The following TMEM164 variants were observed in gnomAD, a reference collection of about 807,000 sequenced individuals.
TMEM164 encodes RP13-360B22.2.
A neutral mutation model predicts 18.8 loss-of-function variants in TMEM164; 4 were observed. The ratio of observed to expected loss-of-function variants is 0.21; its 90% confidence interval spans 0.10 to 0.49. TMEM164 has a LOEUF of 0.49. Among genes scored for constraint, TMEM164 ranks in the 20% least tolerant of loss-of-function variants. The pLI is 0.98. For missense variants in TMEM164, 108 were observed against 239.9 expected (o/e 0.45, Z 3.63); for synonymous variants, 86 against 101.7 (o/e 0.85, Z 0.93).
At chrX:110,154,729 G>GT (rs1310411833) in intron 5 of TMEM164, among the ~76,000 whole-genome samples, 1 of 112,161 alleles carries the variant, frequency 8.9e-6, no homozygotes, top group Non-Finnish European at 1.9e-5. Context: ...CTGCACTAGA[G>GT]TTTAAACTGG....
At chrX:110,074,226 C>A (rs763154819) in intron 3 of TMEM164, among the ~76,000 whole-genome samples, 1 of 111,716 alleles carries the variant, frequency 9.0e-6, no homozygotes, top group African/African-American at 3.2e-5. Flanking sequence ...GAGATTTTTT[C>A]ATGTGCTTGT....
chrX:110,061,663 T>G (rs1936128167), intron 2 of TMEM164, among the ~76,000 whole-genome samples: 1 of 112,144 alleles, frequency 8.9e-6, no homozygotes, highest in South Asian at 3.7e-4. Context: ...AACGCTTAAC[T>G]CTTAGTAGGC....
At chrX:110,055,194 A>T in intron 2 of TMEM164, 1 of 316,994 alleles carries the variant, frequency 3.2e-6, no homozygotes, top group Non-Finnish European at 6.3e-6. Context: ...TGGCCATGCT[A>T]TTCTCTTGAA....
intron 6 of TMEM164, among the ~76,000 whole-genome samples, chrX:110,172,770 C>T (rs1309046546): frequency 1.8e-5 from 2 of 112,052 alleles, no homozygotes; most frequent in Non-Finnish European, 3.8e-5. Context: ...GAGGACTCAG[C>T]CCCCATATTG....
intron 2 of TMEM164, 29 bp downstream of exon 2, chrX:110,004,193 C>T: frequency 8.5e-7 from 1 of 1,172,952 alleles, no homozygotes; most frequent in African/African-American, 1.8e-5. Flanking sequence ...TCCTGGGCAT[C>T]CTAAGTGATA....
At chrX:110,064,054 A>G (rs1266213233) in intron 2 of TMEM164, among the ~76,000 whole-genome samples, 2 of 111,199 alleles carry the variant, frequency 1.8e-5, no homozygotes. Context: ...CAGTTTCCTC[A>G]TCTCTGAAAT....
chrX:110,100,140 A>G (rs969407846), intron 3 of TMEM164, among the ~76,000 whole-genome samples: 1 of 111,374 alleles, frequency 9.0e-6, no homozygotes, highest in African/African-American at 3.3e-5. Context: ...GCAAATAAGG[A>G]CAGTTTTACT....
intron 2 of TMEM164, among the ~76,000 whole-genome samples, chrX:110,005,623 G>T (rs899759232): frequency 6.2e-5 from 7 of 112,551 alleles, no homozygotes; most frequent in African/African-American, 2.3e-4. Context: ...CGGGGCTGGA[G>T]TGGGCAGCAT....
At chrX:110,141,520 G>C (rs891025010) in intron 4 of TMEM164, among the ~76,000 whole-genome samples, 1 of 111,658 alleles carries the variant, frequency 9.0e-6, no homozygotes, top group Non-Finnish European at 1.9e-5. Context: ...CCAAGTGAAA[G>C]GGGAAACCCC....
intron 2 of TMEM164, among the ~76,000 whole-genome samples, chrX:110,035,329 A>G (rs1934741288): frequency 9.0e-6 from 1 of 110,694 alleles, no homozygotes; most frequent in East Asian, 2.8e-4. Flanking sequence ...TTCTCTTCAC[A>G]TTATTTTACA....
At chrX:110,151,765 AGAGT>A (rs1403931918) in intron 5 of TMEM164, among the ~76,000 whole-genome samples, 1 of 111,664 alleles carries the variant, frequency 9.0e-6, no homozygotes, top group African/African-American at 3.3e-5. Flanking sequence ...CCTGTGCAAC[AGAGT>A]GAGACTCAGT....
rs188258317 is a variant in TMEM164, at chrX:110,072,593, T to C, written c.440+5197T>C. Among the ~76,000 whole-genome samples, 1,104 of 111,604 alleles carry C rather than the reference T, an allele frequency of 9.9e-3. 9 individuals carry two copies. Among genetic ancestry groups the C allele is most frequent in the African/African-American group, 0.032 (992 of 30,804 alleles). ...TTATCTGTAGTCATGTATTTTTTCT[T>C]GGACTTGATCTTGTCTGTTTTTGTG... On this transcript the variant is annotated intron_variant, in intron 3 of 6. Coordinates refer to ENST00000372068, the MANE Select transcript of TMEM164 (RefSeq NM_032227.4).
intron 2 of TMEM164, among the ~76,000 whole-genome samples, chrX:110,040,349 T>C (rs1350183591): frequency 9.0e-6 from 1 of 111,697 alleles, no homozygotes; most frequent in Non-Finnish European, 1.9e-5. Flanking sequence ...AGTTTACCTA[T>C]TTTTTACATT....
At chrX:110,055,003 C>T (rs1201129706) in intron 2 of TMEM164, among the ~76,000 whole-genome samples, 2 of 111,072 alleles carry the variant, frequency 1.8e-5, no homozygotes, top group Non-Finnish European at 3.8e-5. Flanking sequence ...GTCTCATGAG[C>T]GAGACCATAT....
At chrX:110,075,505 A>G (rs1348917393) in intron 3 of TMEM164, among the ~76,000 whole-genome samples, 1 of 111,387 alleles carries the variant, frequency 9.0e-6, no homozygotes, top group African/African-American at 3.3e-5. Context: ...TTGAATAGGA[A>G]TGGTGAGAGC....
At chrX:110,178,417 C>T (rs1014753574), downstream of TMEM164, among the ~76,000 whole-genome samples, 2 of 111,702 alleles carry the variant, frequency 1.8e-5, no homozygotes, top group South Asian at 7.5e-4. Context: ...AGGGGAAGGA[C>T]GGAAAGAGGC....
intron 2 of TMEM164, among the ~76,000 whole-genome samples, chrX:110,040,948 A>G (rs913833843): frequency 3.6e-5 from 4 of 111,941 alleles, no homozygotes; most frequent in African/African-American, 1.3e-4. Context: ...TTAAGTGGGA[A>G]ATGTTTCTGT....
chrX:110,139,094 C>A (rs901753664), intron 4 of TMEM164, among the ~76,000 whole-genome samples: 4 of 112,516 alleles, frequency 3.6e-5, no homozygotes, highest in Non-Finnish European at 7.5e-5. Context: ...TCCATTACTA[C>A]CACAAATGGA....
intron 4 of TMEM164, among the ~76,000 whole-genome samples, chrX:110,110,220 C>A (rs1451876551): frequency 9.0e-6 from 1 of 111,161 alleles, no homozygotes; most frequent in Non-Finnish European, 1.9e-5. Context: ...CATCTCCTCC[C>A]CACAAATATT....
Sources: gnomAD v4.1 joint callset for allele counts (sites outside exome capture counted in the v4.1 genomes callset) on GRCh38, gnomAD v4.1.1 for gene constraint, MANE v1.5 for transcripts, NCBI Gene and HGNC (gene_info 2026-07-23, HGNC 2026-07-21) for gene names.